The following DDO variants were observed in gnomAD, a reference collection of about 807,000 sequenced individuals.
DDO encodes D-aspartate oxidase, also known as D-aspartate oxidase, DDO.
In DDO, 16 loss-of-function variants were observed where a neutral mutation model predicts 16.8. The ratio of observed to expected loss-of-function variants is 0.95; its 90% CI spans 0.65 to 1.45. The LOEUF (loss-of-function observed/expected upper bound fraction) is 1.45. DDO is among the 40% of genes most tolerant of loss of function. The probability of loss-of-function intolerance (pLI) is 0.00; values close to 1 mark genes in which losing one functional copy is unlikely to be tolerated. For missense variants in DDO, 429 were observed against 420.3 expected (o/e 1.02, Z -0.18); for synonymous variants, 180 against 167.2 (o/e 1.08, Z -0.59).
downstream of DDO, among the ~76,000 whole-genome samples, chr6:110,391,006 T>C (rs1457545919): frequency 6.6e-6 from 1 of 152,212 alleles, no homozygotes; most frequent in African/African-American, 2.4e-5. Flanking sequence ...TACCAATGTA[T>C]CTGAATCTGA....
Position 110,392,387 on chromosome 6 carries a change from T to C in DDO, c.*388A>G. On this transcript the variant is annotated 3_prime_UTR_variant, in exon 5 of 5. Transcript: ENST00000368924. ...TGCATAGGTCCTTGGACATCAGTTC[T>C]AAATAAATTTTACTCTATAAGAAGT... is the stretch of plus-strand genomic sequence containing the variant. 8.1e-6 allele frequency: 8 copies of C among 992,598 alleles called. No individual in the cohort carries two copies. The highest frequency in any genetic ancestry group is 9.6e-6 in the Non-Finnish European group (8 of 835,210). 61.5% of individuals were successfully genotyped at this position (992,598 alleles called of 1,614,324 possible). A position where few individuals can be genotyped will look rare whatever the true frequency, so the allele number is the denominator to read the frequency against.
chr6:110,413,185 A>G, intron 2 of DDO, 106 bp downstream of exon 2: 1 of 1,293,010 alleles, frequency 7.7e-7, no homozygotes, highest in Non-Finnish European at 1.1e-6. Flanking sequence ...AAAAACCTGC[A>G]TATTACACTT....
intron 4 of DDO, among the ~76,000 whole-genome samples, chr6:110,400,257 T>A (rs1773434823): frequency 1.3e-5 from 2 of 151,578 alleles, no homozygotes; most frequent in South Asian, 4.2e-4. Context: ...TAACATTTGA[T>A]TCGGTGTGGA....
intron 1 of DDO, among the ~76,000 whole-genome samples, chr6:110,414,122 T>C (rs1773961160): frequency 1.3e-5 from 2 of 152,154 alleles, no homozygotes; most frequent in Admixed American, 6.5e-5. Context: ...CTAGGGAAGG[T>C]TGACAGAAAA....
intron 3 of DDO, among the ~76,000 whole-genome samples, chr6:110,405,386 CT>C (rs962176392): frequency 1.1e-4 from 16 of 152,144 alleles, no homozygotes; most frequent in Non-Finnish European, 2.1e-4. Flanking sequence ...AGAAAATGAT[CT>C]ATTTTACTAT....
chr6:110,405,718 C>T (rs187116949), intron 3 of DDO, among the ~76,000 whole-genome samples: 134 of 152,206 alleles, frequency 8.8e-4, no homozygotes, highest in African/African-American at 3.1e-3. Context: ...GCCTGGGCAA[C>T]AAGGTGAAAC....
At chr6:110,393,434 A>G (rs963809282) in intron 4 of DDO, 92 bp from the exon 5 acceptor site, 23 of 1,479,246 alleles carry the variant, frequency 1.6e-5, no homozygotes, top group Non-Finnish European at 2.0e-5. Flanking sequence ...AACAAAAATT[A>G]GGTGATGATC....
chr6:110,412,185 A>T (rs1447505864), intron 2 of DDO, among the ~76,000 whole-genome samples: 2 of 152,044 alleles, frequency 1.3e-5, no homozygotes, highest in Admixed American at 1.3e-4. Flanking sequence ...GGTGAAGGTT[A>T]CAGTGAGTCA....
At chr6:110,407,696 T>C (rs909828067) in intron 3 of DDO, among the ~76,000 whole-genome samples, 1 of 152,226 alleles carries the variant, frequency 6.6e-6, no homozygotes, top group African/African-American at 2.4e-5. Context: ...TTTAAGAAGA[T>C]ATTAAAAGAT....
rs1315178764 is a variant in DDO, at chr6:110,392,038, A to G, written c.*737T>C. 2 of 237,206 alleles carry G rather than the reference A, an allele frequency of 8.4e-6. No individual in the cohort carries two copies. The highest frequency in any genetic ancestry group is 2.3e-5 in the African/African-American group (1 of 42,922). 14.7% of individuals were successfully genotyped at this position (237,206 alleles called of 1,614,324 possible). On this transcript the variant is annotated 3_prime_UTR_variant, in exon 5 of 5. Transcript: ENST00000368924. ...AACCCCTAGGTGTTTGACCCCAGGC[A>G]GCTATTGAATTGATATGACATACAT...
rs1774023244 is a variant in DDO at position 110,415,570 on chromosome 6, GA to G, written c.-109del. On this transcript the variant is annotated 5_prime_UTR_variant, in exon 1 of 5. Transcript: ENST00000368924. Reference sequence around the variant, plus strand: ...ATGCCCTGAGAGACAGAGAGAAAGCGAAACTGATTCCCATTGGTGACTTGAT... The same window carrying G: ...ATGCCCTGAGAGACAGAGAGAAAGCGAACTGATTCCCATTGGTGACTTGAT... The G allele has an allele frequency of 7.4e-6, 12 of 1,613,050 alleles. No homozygotes were observed. The African/African-American group carries it at 1.2e-4, about 16-fold the overall frequency.
intron 1 of DDO, among the ~76,000 whole-genome samples, chr6:110,414,753 A>C (rs1773988201): frequency 1.3e-5 from 2 of 152,260 alleles, no homozygotes. Flanking sequence ...TGCTGGGCTA[A>C]ACCAGCCTCT....
At chr6:110,403,664 C>T (rs546514108) in intron 4 of DDO, among the ~76,000 whole-genome samples, 10 of 152,328 alleles carry the variant, frequency 6.6e-5, no homozygotes, top group African/African-American at 1.7e-4. Flanking sequence ...AACTAGATTA[C>T]GATGCCACTG....
intron 4 of DDO, among the ~76,000 whole-genome samples, chr6:110,398,642 C>T (rs1582475324): frequency 6.6e-6 from 1 of 152,108 alleles, no homozygotes; most frequent in African/African-American, 2.4e-5. Flanking sequence ...ACATGGCTGG[C>T]TAATGGGGCT....
downstream of DDO, among the ~76,000 whole-genome samples, chr6:110,389,206 G>C (rs961598889): frequency 2.0e-5 from 3 of 152,170 alleles, no homozygotes; most frequent in Non-Finnish European, 4.4e-5. Flanking sequence ...GTCTTCTCCT[G>C]TCCCTGGATT....
At chr6:110,412,459 T>G (rs1343669143) in intron 2 of DDO, among the ~76,000 whole-genome samples, 3 of 152,240 alleles carry the variant, frequency 2.0e-5, no homozygotes, top group Non-Finnish European at 4.4e-5. Context: ...TTGTCAGTAC[T>G]GTTCATCCCA....
At chr6:110,410,800 C>A (rs1421710780) in intron 2 of DDO, among the ~76,000 whole-genome samples, 2 of 152,126 alleles carry the variant, frequency 1.3e-5, no homozygotes, top group Admixed American at 1.3e-4. Context: ...GGGGATACAG[C>A]CAAACTATAT....
chr6:110,406,059 T>C (rs11153234), intron 3 of DDO, among the ~76,000 whole-genome samples: 129,970 of 152,124 alleles, frequency 0.85, 55,716 homozygotes, highest in East Asian at 0.95. Flanking sequence ...TACTGCAGGG[T>C]TCTGTGCTGG....
In DDO at chr6:110,392,924, G is replaced by A. The variant is rs142527860; in HGVS notation, c.877C>T (p.Arg293Ter). 5.6e-6 allele frequency: 9 copies of A among 1,614,094 alleles called. No homozygotes were observed. The highest frequency in any genetic ancestry group is 1.7e-5 in the Admixed American group (1 of 60,012). Residue 293 changes from arginine (R) to a stop codon, truncating the protein, a stop_gained, in exon 5 of 5, where the codon CGA becomes TGA. Coordinates refer to ENST00000368924, the MANE Select transcript of DDO (RefSeq NM_001372108.2). LOFTEE classifies it high-confidence loss of function. The part of the protein sequence containing the change: ...GVRLQTELLA[R>*]DGQRLPVVHH... ...ACTACAGGCAGCCTCTGTCCATCTC[G>A]CGCAAGGAGCTCTGTCTGCAGTCGC...
Sources: gnomAD v4.1 joint callset for allele counts (sites outside exome capture counted in the v4.1 genomes callset) on GRCh38, gnomAD v4.1.1 for gene constraint, MANE v1.5 for transcripts, NCBI Gene and HGNC (gene_info 2026-07-23, HGNC 2026-07-21) for gene names.